IFT140: variants seen among roughly 807,000 people sequenced by gnomAD.
IFT140 encodes intraflagellar transport protein 140 homolog.
IFT140 carries 133 observed loss-of-function variants against 164.6 expected under a neutral mutation model. The observed-to-expected ratio is 0.81, with a 90% CI of 0.70 to 0.93. The LOEUF (loss-of-function observed/expected upper bound fraction) is 0.93. Among genes scored for constraint, IFT140 ranks in the 40% least tolerant of loss-of-function variants. IFT140 has a pLI of 0.00. For synonymous variants in IFT140, 860 were observed against 817.3 expected, an observed-to-expected ratio of 1.05 and a Z score of -0.89; for missense variants, 2,045 against 1,972.3, an observed-to-expected ratio of 1.04 and a Z score of -0.70.
Position 1,571,396 on chromosome 16 carries a change from A to G in IFT140, c.1652+11T>C. The G allele has an allele frequency of 6.2e-7, 1 of 1,608,474 alleles. No homozygotes were observed. Among genetic ancestry groups the G allele is most frequent in the Admixed American group, 1.7e-5 (1 of 58,520 alleles). ...AAAATGTTCACACTTCTATTTGGAA[A>G]AAAAATTTACCTTCGGGAAAGATCA... On this transcript the variant is annotated intron_variant, in intron 14 of 30. Coordinates refer to ENST00000426508, the MANE Select transcript of IFT140 (RefSeq NM_014714.4).
At chr16:1,556,326 C>T (rs1398146390) in intron 19 of IFT140, among the ~76,000 whole-genome samples, 40 of 152,246 alleles carry the variant, frequency 2.6e-4, no homozygotes, top group Admixed American at 2.6e-3. Flanking sequence ...AACCCAGAAC[C>T]CAAGGCTGCC....
At position 1,523,619 on chromosome 16, in the gene IFT140, C is replaced by A. The variant is rs780057622; in HGVS notation, c.3352G>T (p.Asp1118Tyr). 1.1e-5 allele frequency: 18 copies of A among 1,614,006 alleles called. No individual in the cohort carries two copies. The highest frequency in any genetic ancestry group is 1.1e-5 in the Non-Finnish European group (13 of 1,180,022). ...AGGAGCGCAGGGTCTGACGTCTCAT[C>A]CAGGTCCTCTGCTATGAGCTGTAGG... ...VALQLIAEDL[D>Y]ETSDPALLAR... Residue 1118 changes from aspartate to tyrosine, a missense_variant, in exon 26 of 31, where the codon GAT (aspartate) becomes TAT (tyrosine). Coordinates refer to ENST00000426508, the MANE Select transcript of IFT140 (RefSeq NM_014714.4).
chr16:1,566,761 C>T (rs2033741472), intron 15 of IFT140, among the ~76,000 whole-genome samples: 1 of 152,174 alleles, frequency 6.6e-6, no homozygotes, highest in African/African-American at 2.4e-5. Flanking sequence ...TGTGCTTTCT[C>T]TCTCTTTTGG....
intron 15 of IFT140, among the ~76,000 whole-genome samples, chr16:1,566,503 C>T (rs1263425017): frequency 6.6e-6 from 1 of 152,170 alleles, no homozygotes; most frequent in Non-Finnish European, 1.5e-5. Context: ...GCTCTGTTGC[C>T]CAGGATGGAG....
chr16:1,553,512 G>A lies in IFT140; in HGVS notation c.2399+4423C>T. 2.0e-6 allele frequency: 2 copies of A among 992,768 alleles called. No homozygotes were observed. Among genetic ancestry groups the A allele is most frequent in the Non-Finnish European group, 2.4e-6 (2 of 833,884 alleles). The allele number at this position is 992,768 out of a possible 1,614,324, so 61.5% of individuals were successfully genotyped here. ...GTGGGGCTCGGCGTGGCCGGAGCCTGGGGAGGGACATGGACAAGTCCTCTA... is the reference window on the plus strand; with the variant it reads ...GTGGGGCTCGGCGTGGCCGGAGCCTAGGGAGGGACATGGACAAGTCCTCTA... On this transcript the variant is annotated intron_variant, in intron 19 of 30. Transcript: ENST00000426508. This position sits in a 1 kb window ranked among gnomAD's most constrained non-coding sequence, Gnocchi z 4.4.
Position 1,511,078 on chromosome 16 carries a change from C to G in IFT140, c.4255G>C (p.Ala1419Pro). Residue 1419 changes from alanine to proline, a missense_variant, in exon 31 of 31, where the codon GCC (alanine) becomes CCC (proline). Transcript: ENST00000426508. ...ANMSYYVSPQ[A>P]VDAVHRGLGL... Reference sequence around the variant, plus strand: ...AGCCCCCGGTGCACGGCGTCCACGGCCTGCGGGCTCACGTAGTAGGACATG... The same window carrying G: ...AGCCCCCGGTGCACGGCGTCCACGGGCTGCGGGCTCACGTAGTAGGACATG... 1 of 1,609,812 alleles carries G rather than the reference C, an allele frequency of 6.2e-7. No individual in the cohort carries two copies. Among genetic ancestry groups the G allele is most frequent in the Non-Finnish European group, 8.5e-7 (1 of 1,178,576 alleles).
intron 13 of IFT140, chr16:1,578,137 T>A (rs1237321583): frequency 6.6e-6 from 1 of 152,050 alleles, no homozygotes; most frequent in Non-Finnish European, 1.5e-5. Context: ...ATGCGGCTCC[T>A]CCCCATGTCT....
At chr16:1,580,652 GA>G (rs2034508003) in intron 13 of IFT140, 106 bp downstream of exon 13, 1 of 745,216 alleles carries the variant, frequency 1.3e-6, no homozygotes, top group African/African-American at 1.7e-5. Flanking sequence ...CACAGTGTGA[GA>G]AAGGACTAAT....
At chr16:1,588,164 ACT>A (rs2034992030) in intron 7 of IFT140, 140 bp from the exon 8 acceptor site, 1 of 640,444 alleles carries the variant, frequency 1.6e-6, no homozygotes, top group African/African-American at 1.8e-5. Flanking sequence ...AATGATAGAA[ACT>A]CTGTGAGGTG....
chr16:1,586,557 C>T (rs141217352), intron 9 of IFT140, among the ~76,000 whole-genome samples: 4 of 152,342 alleles, frequency 2.6e-5, no homozygotes, highest in East Asian at 1.9e-4. Flanking sequence ...GCACTAGAGA[C>T]GCGGCTCTGG....
chr16:1,566,222 A>G lies in IFT140; in HGVS notation c.1840T>C (p.Phe614Leu). 6.2e-7 allele frequency: 1 copy of G among 1,613,944 alleles called. No homozygotes were observed. Among genetic ancestry groups the G allele is most frequent in the Non-Finnish European group, 8.5e-7 (1 of 1,179,802 alleles). Residue 614 changes from phenylalanine to leucine, a missense_variant, in exon 16 of 31, where the codon TTC (phenylalanine) becomes CTC (leucine). By Grantham distance (22) the Phe-to-Leu change is conservative. Transcript: ENST00000426508. ...VEMDTVTVFDFKTGQIDRRET... is the reference protein window; with the variant it reads ...VEMDTVTVFDLKTGQIDRRET... The stretch of plus-strand genomic sequence containing the variant: ...CTCCGATCAATTTGTCCAGTCTTGA[A>G]GTCAAAGACGGTCACTGTGTCCATT...
chr16:1,602,551 CG>C lies in IFT140; in HGVS notation c.187del (p.Arg63GlyfsTer23). On this transcript the variant is annotated frameshift_variant, in exon 4 of 31. Transcript: ENST00000426508. LOFTEE classifies it high-confidence loss of function. ...VPDTHVERPFRVASLCWHPTR... is the reference protein window; with the variant it reads ...VPDTHVERPFXVASLCWHPTR... ...CGGGTGCCAGCACAGGGAAGCAACC[CG>C]GAACGGCCTCTCGACGTGTGTATCT... 1 of 1,613,818 alleles carries C rather than the reference CG, an allele frequency of 6.2e-7. No homozygotes were observed. Among genetic ancestry groups the C allele is most frequent in the Non-Finnish European group, 8.5e-7 (1 of 1,180,028 alleles).
chr16:1,602,826 G>C (rs1016688585), intron 3 of IFT140, among the ~76,000 whole-genome samples: 1 of 152,114 alleles, frequency 6.6e-6, no homozygotes, highest in African/African-American at 2.4e-5. Context: ...TGTAGTCCCA[G>C]CTACTCGGGA....
Position 1,524,601 on chromosome 16 carries a change from T to C in IFT140, c.3092A>G (p.His1031Arg). The C allele has an allele frequency of 3.7e-6, 6 of 1,606,540 alleles. No individual in the cohort carries two copies. Among genetic ancestry groups the C allele is most frequent in the Non-Finnish European group, 4.3e-6 (5 of 1,175,012 alleles). ...GAAGGCCTGTGCCCGGGTGTAGAAG[T>C]GCACCGCCTGCCCGACCTCCTCCTG... ...ESQEEVGQAV[H>R]FYTRAQAFKN... The change falls in exon 24 of 31, where the codon CAC (histidine) becomes CGC (arginine). Residue 1031 changes from histidine (H) to arginine (R), a missense_variant. His to Arg is a conservative substitution (Grantham distance 29, BLOSUM62 0). Coordinates refer to ENST00000426508, the MANE Select transcript of IFT140 (RefSeq NM_014714.4).
Position 1,562,014 on chromosome 16 carries a change from C to G in IFT140, c.2170G>C (p.Glu724Gln), listed in dbSNP as rs757855742. 1 of 1,609,948 alleles carries G rather than the reference C, an allele frequency of 6.2e-7. No individual in the cohort carries two copies. The highest frequency in any genetic ancestry group is 2.2e-5 in the East Asian group (1 of 44,776). Reference protein sequence around the residue: ...PATSHSLLGMEVPYYYFTRKP... With the variant: ...PATSHSLLGMQVPYYYFTRKP... ...CTTGTGAAGTAGTAATAAGGCACTT[C>G]CATCCCCAGGAGACTGTGGGAGGTG... Residue 724 changes from glutamate to glutamine, a missense_variant, in exon 18 of 31, where the codon GAA becomes CAA. By Grantham distance (29) the Glu-to-Gln change is conservative (BLOSUM62 2). Coordinates refer to ENST00000426508, the MANE Select transcript of IFT140 (RefSeq NM_014714.4).
intron 3 of IFT140, among the ~76,000 whole-genome samples, chr16:1,603,289 G>T (rs1265783885): frequency 6.6e-6 from 1 of 152,024 alleles, no homozygotes; most frequent in Admixed American, 6.6e-5. Context: ...GTGGCCCCAG[G>T]GATCTCAAAG....
chr16:1,524,382 CA>C (rs2040610580), intron 24 of IFT140, 169 bp downstream of exon 24: 1 of 806,852 alleles, frequency 1.2e-6, no homozygotes, highest in Non-Finnish European at 1.9e-6. Flanking sequence ...TGGAAGCGGC[CA>C]GGGGTGGGCA....
intron 19 of IFT140, among the ~76,000 whole-genome samples, chr16:1,548,555 T>C (rs1728482836): frequency 6.6e-6 from 1 of 152,266 alleles, no homozygotes; most frequent in South Asian, 2.1e-4. Context: ...CATTTGTTTC[T>C]AGACAAACTG....
chr16:1,584,915 C>G (rs1378160875), intron 10 of IFT140, among the ~76,000 whole-genome samples: 1 of 152,048 alleles, frequency 6.6e-6, no homozygotes, highest in Non-Finnish European at 1.5e-5. Flanking sequence ...TAGGAAAAAA[C>G]CCAGACATCA....
Sources: gnomAD v4.1 joint callset for allele counts (sites outside exome capture counted in the v4.1 genomes callset) on GRCh38, gnomAD v4.1.1 for gene constraint, Gnocchi (gnomAD v3.1) non-coding constraint, MANE v1.5 for transcripts, NCBI Gene and HGNC (gene_info 2026-07-23, HGNC 2026-07-21) for gene names.